The following KIFC3 variants were observed in gnomAD, a reference collection of about 807,000 sequenced individuals.
The protein encoded by KIFC3 is kinesin family member C3.
Under a neutral mutation model 101.8 loss-of-function variants are expected in KIFC3, and 60 were observed. The observed-to-expected ratio is 0.59, with a 90% confidence interval of 0.48 to 0.73. The LOEUF is 0.73. Among genes scored for constraint, KIFC3 ranks in the 30% least tolerant of loss-of-function variants. The pLI is 0.00. For missense variants in KIFC3, 966 were observed against 1,137.1 expected (o/e 0.85, Z 2.16); for synonymous variants, 476 against 482.7 (o/e 0.99, Z 0.18).
Position 57,769,278 on chromosome 16 carries a change from C to T in KIFC3, c.1218+317G>A, listed in dbSNP as rs558411119. Among the ~76,000 whole-genome samples, 9 of 152,290 alleles carry T rather than the reference C, an allele frequency of 5.9e-5. No homozygotes were observed. Among genetic ancestry groups the T allele is most frequent in the African/African-American group, 1.4e-4 (6 of 41,566 alleles). On this transcript the variant is annotated intron_variant, in intron 9 of 19. Coordinates refer to ENST00000445690, the MANE Select transcript of KIFC3 (RefSeq NM_001130100.2). The surrounding 1 kb of genome is among the most constrained non-coding windows in gnomAD (Gnocchi z 4.3). ...CTCAAACTCCTGACCTCAAGTGATC[C>T]GCCTGCCTCGGCCTCCCAAAGTGTT...
At chr16:57,772,414 T>C in intron 3 of KIFC3, 126 bp from the exon 4 acceptor site, 1 of 709,622 alleles carries the variant, frequency 1.4e-6, no homozygotes, top group African/African-American at 1.8e-5. Context: ...TGGCCTTAGG[T>C]TCCCCTATGT....
In KIFC3 at chr16:57,758,653, A is replaced by T. The variant is rs1555591238; in HGVS notation, c.*281T>A. The stretch of plus-strand genomic sequence containing the variant: ...CCTCCTCACGGGGCCCAGTTCGCTG[A>T]TGGCCCAGGCCTGCCAGGAAGAGCA... On this transcript the variant is annotated 3_prime_UTR_variant, in exon 20 of 20. Coordinates refer to ENST00000445690, the MANE Select transcript of KIFC3 (RefSeq NM_001130100.2). The T allele has an allele frequency of 2.8e-6, 2 of 703,272 alleles. No homozygotes were observed. Among genetic ancestry groups the T allele is most frequent in the Non-Finnish European group, 5.2e-6 (2 of 386,838 alleles). The allele number at this position is 703,272 out of a possible 1,614,324, so 43.6% of individuals were successfully genotyped here. A position where few individuals can be genotyped will look rare whatever the true frequency, so the allele number is the denominator to read the frequency against.
At position 57,759,835 on chromosome 16, in the gene KIFC3, C is replaced by A; in HGVS notation, c.2369G>T (p.Trp790Leu). ...CTGTGGCGTCTGACAAGCCGGCTCC[C>A]ACTGTGAGCAGGGAAGGGCGGATGG... ...GSWSSQEHLE[W>L]EPACQTPQPS... The change falls in exon 18 of 20, where the codon TGG becomes TTG. Residue 790 changes from tryptophan to leucine, a missense_variant and splice_region_variant. This residue lies in a region of KIFC3 where 689 missense variants were observed against 884.6 expected (regional missense o/e 0.78). Coordinates refer to ENST00000445690, the MANE Select transcript of KIFC3 (RefSeq NM_001130100.2). 1 of 1,607,112 alleles carries A rather than the reference C, an allele frequency of 6.2e-7. No individual in the cohort carries two copies. The highest frequency in any genetic ancestry group is 8.5e-7 in the Non-Finnish European group (1 of 1,177,414).
intron 1 of KIFC3, among the ~76,000 whole-genome samples, chr16:57,808,499 T>A (rs1190333432): frequency 1.3e-5 from 2 of 152,188 alleles, no homozygotes; most frequent in African/African-American, 2.4e-5. Flanking sequence ...CCTCATTCAC[T>A]TCTCCCCACC....
chr16:57,767,974 C>T (rs1327429023), intron 9 of KIFC3, among the ~76,000 whole-genome samples: 1 of 152,162 alleles, frequency 6.6e-6, no homozygotes. Context: ...CTGTGCCCAG[C>T]CCCTCCCATG....
In KIFC3 at chr16:57,788,639, C is replaced by T. The variant is rs782521625; in HGVS notation, c.315+6360G>A. On this transcript the variant is annotated intron_variant, in intron 3 of 19. Coordinates refer to ENST00000445690, the MANE Select transcript of KIFC3 (RefSeq NM_001130100.2). ...CCTCCCGGGCCCGCCTGGGGGCCGG[C>T]GCCTGTCTCTTCCAAAGCTTCTCTT... The T allele has an allele frequency of 1.9e-4, 244 of 1,289,610 alleles. 1 individual carries two copies. Among genetic ancestry groups the T allele is most frequent in the Non-Finnish European group, 1.8e-4 (175 of 988,676 alleles). 79.9% of individuals were successfully genotyped at this position (1,289,610 alleles called of 1,614,324 possible).
intron 6 of KIFC3, among the ~76,000 whole-genome samples, 177 bp downstream of exon 6, chr16:57,771,021 G>A (rs1399177123): frequency 3.3e-5 from 5 of 152,208 alleles, no homozygotes; most frequent in African/African-American, 9.6e-5. Flanking sequence ...ATACCTACTC[G>A]GTGCCTGGCC....
intron 2 of KIFC3, among the ~76,000 whole-genome samples, chr16:57,796,908 A>C (rs1490921280): frequency 1.3e-5 from 2 of 152,206 alleles, no homozygotes; most frequent in Non-Finnish European, 2.9e-5. Flanking sequence ...TTCATATTAC[A>C]TTTGTAATAC....
At chr16:57,792,642 C>T (rs1217816178) in intron 3 of KIFC3, among the ~76,000 whole-genome samples, 1 of 152,040 alleles carries the variant, frequency 6.6e-6, no homozygotes, top group East Asian at 1.9e-4. Flanking sequence ...CATCTGTAAT[C>T]CCAGCACTTT....
At chr16:57,837,957 C>T (rs1406910365) in intron 1 of KIFC3, among the ~76,000 whole-genome samples, 5 of 152,260 alleles carry the variant, frequency 3.3e-5, no homozygotes, top group Admixed American at 2.0e-4. Flanking sequence ...GACCCAGGTC[C>T]GCTAACTCCT....
chr16:57,818,138 A>C (rs528212925), intron 1 of KIFC3, among the ~76,000 whole-genome samples: 3 of 151,454 alleles, frequency 2.0e-5, no homozygotes, highest in African/African-American at 7.3e-5. Context: ...GTAGAGATGG[A>C]ATTTCACCAT....
chr16:57,760,705 G>T, intron 16 of KIFC3, 21 bp downstream of exon 16: 1 of 1,600,064 alleles, frequency 6.2e-7, no homozygotes, highest in Non-Finnish European at 8.6e-7. Context: ...GGACTGGCCC[G>T]CCCTAACCCA....
Position 57,771,277 on chromosome 16 carries a change from T to A in KIFC3, c.686A>T (p.Glu229Val). 6.2e-7 allele frequency: 1 copy of A among 1,613,468 alleles called. No individual in the cohort carries two copies. The highest frequency in any genetic ancestry group is 8.5e-7 in the Non-Finnish European group (1 of 1,180,018). ...CAGGCGCCGACTAAGCCGCTCCTCC[T>A]CCTGTGCCTTCTCAGCCAGGCAGTC... is the stretch of plus-strand genomic sequence containing the variant. ...LKDCLAEKAQEEERLSRRLRD... is the reference protein window; with the variant it reads ...LKDCLAEKAQVEERLSRRLRD... The change falls in exon 6 of 20, where the codon GAG (glutamate) becomes GTG (valine). Residue 229 changes from glutamate to valine, a missense_variant. By Grantham distance (121) the Glu-to-Val change is moderately radical. Transcript: ENST00000445690.
chr16:57,772,456 TGAGA>T, intron 3 of KIFC3, 168 bp from the exon 4 acceptor site: 2 of 568,628 alleles, frequency 3.5e-6, no homozygotes, highest in South Asian at 4.0e-5. Flanking sequence ...GGACTTCAGG[TGAGA>T]GAAACCTGGG....
intron 1 of KIFC3, among the ~76,000 whole-genome samples, chr16:57,812,848 G>A (rs1403378513): frequency 1.3e-5 from 2 of 152,198 alleles, no homozygotes; most frequent in African/African-American, 4.8e-5. Context: ...CCCCCGAACT[G>A]GTCCAGCCAT....
chr16:57,778,891 C>T (rs1417591355), intron 3 of KIFC3, among the ~76,000 whole-genome samples: 4 of 152,066 alleles, frequency 2.6e-5, no homozygotes, highest in African/African-American at 4.8e-5. Flanking sequence ...GGCAACATAG[C>T]GAGACCTCAT....
At chr16:57,808,352 C>T (rs1304318395) in intron 1 of KIFC3, among the ~76,000 whole-genome samples, 1 of 152,026 alleles carries the variant, frequency 6.6e-6, no homozygotes, top group Non-Finnish European at 1.5e-5. Context: ...CGAGGATCCT[C>T]CCACCATCCT....
chr16:57,795,512 G>A (rs561625014), intron 2 of KIFC3, among the ~76,000 whole-genome samples: 1 of 152,320 alleles, frequency 6.6e-6, no homozygotes, highest in African/African-American at 2.4e-5. Context: ...TTGCACAGGG[G>A]CTATGGCTTT....
In KIFC3 at chr16:57,766,859, C is replaced by G; in HGVS notation, c.1330+15G>C. 1 of 1,594,762 alleles carries G rather than the reference C, an allele frequency of 6.3e-7. No homozygotes were observed. The highest frequency in any genetic ancestry group is 1.1e-5 in the South Asian group (1 of 90,684). ...CCCCGAGGCCAGCGCCCACCCCCAG[C>G]CCTCCTGCAGTCACCTTTCAGCCGC... On this transcript the variant is annotated intron_variant, in intron 10 of 19. Coordinates refer to ENST00000445690, the MANE Select transcript of KIFC3 (RefSeq NM_001130100.2).
Sources: gnomAD v4.1 joint callset for allele counts (sites outside exome capture counted in the v4.1 genomes callset) on GRCh38, gnomAD v4.1.1 for gene constraint, gnomAD v4.1.1 regional missense constraint, Gnocchi (gnomAD v3.1) non-coding constraint, MANE v1.5 for transcripts, NCBI Gene and HGNC (gene_info 2026-07-23, HGNC 2026-07-21) for gene names.